Variants in PARP4 observed in about 807,000 individuals in gnomAD.
PARP4 encodes the protein protein mono-ADP-ribosyltransferase PARP4.
PARP4 carries 120 observed loss-of-function variants against 187.7 expected under a neutral mutation model. The observed-to-expected ratio is 0.64, with a 90% CI of 0.55 to 0.74. The LOEUF is 0.74. Ranked by LOEUF, PARP4 falls within the 30% of genes least tolerant of loss-of-function variation. PARP4 has a pLI of 0.00. For synonymous variants in PARP4, 654 were observed against 740.9 expected, an observed-to-expected ratio of 0.88 and a Z score of 1.90; for missense variants, 1,836 against 2,070.5, an observed-to-expected ratio of 0.89 and a Z score of 2.20.
intron 30 of PARP4, among the ~76,000 whole-genome samples, chr13:24,435,941 G>C (rs995245742): frequency 7.1e-6 from 1 of 140,304 alleles, no homozygotes; most frequent in African/African-American, 2.6e-5. Context: ...AAAAAAGAAA[G>C]AAAGAAAATA....
rs760389286 is a variant in PARP4 at position 24,434,855 on chromosome 13, A to C, written c.4286T>G (p.Phe1429Cys). The C allele has an allele frequency of 3.7e-6, 6 of 1,613,972 alleles. No homozygotes were observed. The East Asian group carries it at 1.3e-4, about 36-fold the overall frequency. ...GFTTRPSAGT[F>C]PELDSPQLHF... The stretch of plus-strand genomic sequence containing the variant: ...AAGCTGGGGAGAATCCAGCTCAGGG[A>C]AGGTGCCAGCAGAAGGCCTGGTAGT... The change falls in exon 31 of 34, where the codon TTC (phenylalanine) becomes TGC (cysteine). Residue 1429 changes from phenylalanine to cysteine, a missense_variant. Physicochemically the swap from Phe to Cys is radical, Grantham distance 205 (BLOSUM62 -2). Coordinates refer to ENST00000381989, the MANE Select transcript of PARP4 (RefSeq NM_006437.4).
At chr13:24,463,710 G>A (rs1341549669) in intron 17 of PARP4, among the ~76,000 whole-genome samples, 2 of 152,088 alleles carry the variant, frequency 1.3e-5, no homozygotes, top group African/African-American at 2.4e-5. Flanking sequence ...GGCAAAAGCT[G>A]GAAGCATTCC....
Position 24,442,503 on chromosome 13 carries a change from C to T in PARP4, c.3543+87G>A, listed in dbSNP as rs1467568394. The T allele has an allele frequency of 7.3e-5, 72 of 985,762 alleles. 1 individual carries two copies. The Middle Eastern group carries it at 1.6e-3, about 22-fold the overall frequency. The allele number at this position is 985,762 out of a possible 1,614,324, so 61.1% of individuals were successfully genotyped here. On this transcript the variant is annotated intron_variant, in intron 29 of 33. Coordinates refer to ENST00000381989, the MANE Select transcript of PARP4 (RefSeq NM_006437.4). The stretch of plus-strand genomic sequence containing the variant: ...CTTCCCAGGCCCAGGGTGTGGATGT[C>T]GTCATTAACCATCAAAGCAAGGGTG...
At chr13:24,480,124 C>T (rs1292178124) in intron 12 of PARP4, among the ~76,000 whole-genome samples, 7 of 152,340 alleles carry the variant, frequency 4.6e-5, no homozygotes, top group African/African-American at 9.6e-5. Context: ...ACACTCACCG[C>T]GAGGGTCCGC....
chr13:24,492,736 T>C (rs930924954), intron 8 of PARP4, 142 bp from the exon 9 acceptor site: 2 of 698,384 alleles, frequency 2.9e-6, no homozygotes, highest in Admixed American at 2.8e-5. Context: ...CAAATGCTGA[T>C]CTTTATTGGA....
At chr13:24,445,014 C>G (rs1871138785) in intron 27 of PARP4, among the ~76,000 whole-genome samples, 1 of 152,162 alleles carries the variant, frequency 6.6e-6, no homozygotes, top group Non-Finnish European at 1.5e-5. Context: ...CACAAGAAAG[C>G]CTTTGCTCAC....
chr13:24,479,360 C>T (rs1660251930), intron 12 of PARP4, among the ~76,000 whole-genome samples: 1 of 152,164 alleles, frequency 6.6e-6, no homozygotes, highest in South Asian at 2.1e-4. Context: ...CTCATTAAAC[C>T]CCACTCTGGA....
At chr13:24,478,646 C>T (rs1275693038) in intron 12 of PARP4, among the ~76,000 whole-genome samples, 1 of 151,970 alleles carries the variant, frequency 6.6e-6, no homozygotes, top group Non-Finnish European at 1.5e-5. Context: ...GTTTCCCAGG[C>T]TGGTCTCGAA....
chr13:24,505,003 C>CT (rs34271210), intron 1 of PARP4, among the ~76,000 whole-genome samples: 8,844 of 129,674 alleles, frequency 0.068, 359 homozygotes, highest in East Asian at 0.13. Flanking sequence ...CACACCCCCG[C>CT]TTTTTTTTTT....
rs922064547 is a variant in PARP4 at position 24,435,456 on chromosome 13, C to G, written c.3685G>C (p.Glu1229Gln). 6.3e-7 allele frequency: 1 copy of G among 1,599,256 alleles called. No homozygotes were observed. Among genetic ancestry groups the G allele is most frequent in the African/African-American group, 1.3e-5 (1 of 74,112 alleles). Residue 1229 changes from glutamate (E) to glutamine (Q), a missense_variant, in exon 31 of 34, where the codon GAG (glutamate) becomes CAG (glutamine). Glu to Gln is a conservative substitution (Grantham distance 29). Around this residue, in one of 8 missense-constraint regions of PARP4, gnomAD observed 450 missense variants for 439.2 expected, o/e 1.02. Coordinates refer to ENST00000381989, the MANE Select transcript of PARP4 (RefSeq NM_006437.4). ...VRNQSLLASSEWPELRLSKRK... is the reference protein window; with the variant it reads ...VRNQSLLASSQWPELRLSKRK... ...TTGGATAAACGTAATTCTGGCCACT[C>G]AGAGGATGCTAAAAGAGACTGCCCA...
At chr13:24,440,465 G>A (rs1207793725) in intron 30 of PARP4, among the ~76,000 whole-genome samples, 2 of 147,616 alleles carry the variant, frequency 1.4e-5, no homozygotes, top group African/African-American at 5.0e-5. Context: ...CCAAACCCAA[G>A]GCCACTTTTC....
intron 17 of PARP4, among the ~76,000 whole-genome samples, chr13:24,465,963 G>A (rs1872443735): frequency 6.6e-6 from 1 of 152,198 alleles, no homozygotes; most frequent in Non-Finnish European, 1.5e-5. Flanking sequence ...TAGGCTGTAT[G>A]TGGTAAGTTA....
At chr13:24,435,943 A>G (rs1192119279) in intron 30 of PARP4, among the ~76,000 whole-genome samples, 6 of 150,878 alleles carry the variant, frequency 4.0e-5, no homozygotes, top group Non-Finnish European at 8.8e-5. Flanking sequence ...AAAAGAAAGA[A>G]AGAAAATAAT....
intron 15 of PARP4, among the ~76,000 whole-genome samples, chr13:24,472,867 T>C (rs9581066): frequency 0.015 from 2,227 of 151,362 alleles, 65 homozygotes; most frequent in African/African-American, 0.05. Context: ...GGTGGGATTT[T>C]CTCCTTCTCT....
At chr13:24,509,571 A>G (rs913822154) in intron 1 of PARP4, among the ~76,000 whole-genome samples, 24 of 152,078 alleles carry the variant, frequency 1.6e-4, no homozygotes, top group African/African-American at 5.8e-4. Flanking sequence ...ATGTATGTAA[A>G]TTGTACCCCA....
At chr13:24,452,236 C>A in intron 24 of PARP4, 170 bp downstream of exon 24, 1 of 586,934 alleles carries the variant, frequency 1.7e-6, no homozygotes, top group Non-Finnish European at 3.0e-6. Context: ...AGTGGCCAAC[C>A]CAGGTTCTGA....
At chr13:24,456,312 CT>C in intron 21 of PARP4, 28 bp downstream of exon 21, 1 of 1,553,546 alleles carries the variant, frequency 6.4e-7, no homozygotes, top group South Asian at 1.2e-5. Context: ...TCAATAGTGT[CT>C]CCTATGTCTA....
chr13:24,488,362 G>C (rs1036080215), intron 10 of PARP4, among the ~76,000 whole-genome samples: 5 of 152,102 alleles, frequency 3.3e-5, no homozygotes, highest in African/African-American at 1.2e-4. Context: ...CTGTGGGAAT[G>C]AATGTTTTTG....
chr13:24,509,174 G>A (rs547440995), intron 1 of PARP4, among the ~76,000 whole-genome samples: 2 of 152,246 alleles, frequency 1.3e-5, no homozygotes, highest in South Asian at 4.1e-4. Context: ...CTCAAAACTA[G>A]ACTGCAGTGA....
Sources: allele counts gnomAD v4.1 joint callset (sites outside exome capture counted in the v4.1 genomes callset), GRCh38; gene constraint gnomAD v4.1.1; regional missense constraint gnomAD v4.1.1; transcripts MANE v1.5; gene names NCBI Gene and HGNC (gene_info 2026-07-23, HGNC 2026-07-21).